Variants in GMDS observed in about 807,000 individuals in gnomAD.
GMDS encodes the protein GDP-mannose 4,6 dehydratase.
Under a neutral mutation model 49.9 loss-of-function variants are expected in GMDS, and 20 were observed. That is an observed-to-expected ratio of 0.40 (90% confidence interval 0.28 to 0.58). The LOEUF (loss-of-function observed/expected upper bound fraction) is 0.58. GMDS is among the 20% of genes least tolerant of loss of function. GMDS has a pLI of 0.42. For missense variants in GMDS, 362 were observed against 481.4 expected (o/e 0.75, Z 2.32); for synonymous variants, 177 against 178.6 (o/e 0.99, Z 0.07).
intron 9 of GMDS, among the ~76,000 whole-genome samples, chr6:1,700,868 C>T (rs912420420): frequency 6.6e-6 from 1 of 152,006 alleles, no homozygotes; most frequent in Non-Finnish European, 1.5e-5. Context: ...AAATCCGAGA[C>T]CCTAACTGTA....
At chr6:2,036,779 A>G (rs972511980) in intron 4 of GMDS, among the ~76,000 whole-genome samples, 1 of 152,238 alleles carries the variant, frequency 6.6e-6, no homozygotes, top group Non-Finnish European at 1.5e-5. Flanking sequence ...AACAAGCTGC[A>G]CGGAAAGACT....
chr6:1,835,297 T>C lies in GMDS; in HGVS notation c.772-92711A>G, dbSNP rs545639756. Among the ~76,000 whole-genome samples the C allele has an allele frequency of 7.2e-5, 11 of 152,152 alleles. No homozygotes were observed. The South Asian group carries it at 2.3e-3, about 32-fold the overall frequency. On this transcript the variant is annotated intron_variant, in intron 7 of 10. Transcript: ENST00000380815. ...TGGAGGTGGCTTATGCTGCTGCAGG[T>C]CGGAACTCAGGGCAGCATTCTACAT... is the stretch of plus-strand genomic sequence containing the variant.
At chr6:1,962,722 A>T (rs1764024477) in intron 4 of GMDS, among the ~76,000 whole-genome samples, 1 of 151,950 alleles carries the variant, frequency 6.6e-6, no homozygotes, top group Non-Finnish European at 1.5e-5. Flanking sequence ...GCCATTTTTA[A>T]ATTGGGTCAT....
intron 9 of GMDS, among the ~76,000 whole-genome samples, chr6:1,650,324 A>G (rs981835836): frequency 6.6e-6 from 1 of 151,906 alleles, no homozygotes; most frequent in African/African-American, 2.4e-5. Flanking sequence ...AAAACCAACC[A>G]TTAATTATAT....
intron 4 of GMDS, among the ~76,000 whole-genome samples, chr6:2,053,418 C>T (rs1198672625): frequency 6.6e-6 from 1 of 152,022 alleles, no homozygotes; most frequent in African/African-American, 2.4e-5. Flanking sequence ...AACAACCACA[C>T]AAATGGCATA....
At chr6:1,959,720 T>C (rs1003594234) in intron 6 of GMDS, 147 bp downstream of exon 6, 3 of 422,528 alleles carry the variant, frequency 7.1e-6, no homozygotes, top group Admixed American at 4.2e-5. Flanking sequence ...TGGGTATACA[T>C]TTCTTCATTT....
chr6:2,137,535 T>C (rs1035251916), intron 1 of GMDS, among the ~76,000 whole-genome samples: 2 of 152,162 alleles, frequency 1.3e-5, no homozygotes, highest in Non-Finnish European at 2.9e-5. Flanking sequence ...GGTTTCTCCA[T>C]GTTGGTCAGG....
chr6:1,661,432 G>A (rs1243838610), intron 9 of GMDS, among the ~76,000 whole-genome samples: 2 of 152,172 alleles, frequency 1.3e-5, no homozygotes, highest in African/African-American at 4.8e-5. Context: ...CGACACCCCT[G>A]TGATGTCGTT....
At chr6:1,689,159 A>G (rs1765084554) in intron 9 of GMDS, among the ~76,000 whole-genome samples, 1 of 152,200 alleles carries the variant, frequency 6.6e-6, no homozygotes, top group Non-Finnish European at 1.5e-5. Flanking sequence ...ATTTTTAACC[A>G]TGGTAGAGTT....
At chr6:1,923,063 T>C (rs547175468) in intron 7 of GMDS, among the ~76,000 whole-genome samples, 10 of 152,350 alleles carry the variant, frequency 6.6e-5, no homozygotes, top group African/African-American at 2.4e-4. Flanking sequence ...CCTGCTGCCA[T>C]GTAAGACGTG....
chr6:1,750,569 C>T (rs1767677995), intron 7 of GMDS, among the ~76,000 whole-genome samples: 1 of 152,166 alleles, frequency 6.6e-6, no homozygotes, highest in Admixed American at 6.5e-5. Flanking sequence ...TACGCTTTTC[C>T]CATGGTCTTT....
At chr6:2,134,305 G>A (rs115820148) in intron 1 of GMDS, among the ~76,000 whole-genome samples, 18 of 152,290 alleles carry the variant, frequency 1.2e-4, no homozygotes, top group South Asian at 2.1e-4. Flanking sequence ...CAACAGCAGC[G>A]GGGGCTTAGC....
At position 1,655,780 on chromosome 6, in the gene GMDS, C is replaced by T. The variant is rs190454742; in HGVS notation, c.988-31240G>A. Among the ~76,000 whole-genome samples, 308 of 152,340 alleles carry T rather than the reference C, an allele frequency of 2.0e-3. 4 individuals are homozygous for T. Among genetic ancestry groups the T allele is most frequent in the Non-Finnish European group, 9.4e-4 (64 of 68,028 alleles). On this transcript the variant is annotated intron_variant, in intron 9 of 10. Transcript: ENST00000380815. ...TCAGCCTCCCAAAGTGCTGGGATTA[C>T]AGGTGTGAGCCACCGCGCCTGGCTG...
At chr6:2,231,639 C>T (rs1192710028) in intron 1 of GMDS, among the ~76,000 whole-genome samples, 4 of 151,928 alleles carry the variant, frequency 2.6e-5, no homozygotes, top group Non-Finnish European at 5.9e-5. Context: ...AACCAACAAA[C>T]GAATGCTTAC....
intron 1 of GMDS, among the ~76,000 whole-genome samples, chr6:2,226,451 A>T (rs1022610282): frequency 1.3e-5 from 2 of 152,214 alleles, no homozygotes; most frequent in Non-Finnish European, 2.9e-5. Flanking sequence ...GCTACAATTA[A>T]TTTTTTTAAT....
intron 7 of GMDS, among the ~76,000 whole-genome samples, chr6:1,775,636 T>C (rs1201654107): frequency 6.6e-6 from 1 of 152,238 alleles, no homozygotes; most frequent in South Asian, 2.1e-4. Flanking sequence ...GCTGGCCTGA[T>C]GCCCTGCTCC....
chr6:1,827,073 T>A (rs966313735), intron 7 of GMDS, among the ~76,000 whole-genome samples: 85 of 85,232 alleles, frequency 1.0e-3, no homozygotes, highest in African/African-American at 2.5e-3. Context: ...CTTAAAAAAA[T>A]ATATATGTGT....
chr6:1,726,404 G>C lies in GMDS; in HGVS notation c.987+12C>G. The C allele has an allele frequency of 6.3e-7, 1 of 1,591,434 alleles. No homozygotes were observed. The highest frequency in any genetic ancestry group is 1.1e-5 in the South Asian group (1 of 90,676). On this transcript the variant is annotated intron_variant, in intron 9 of 10. Coordinates refer to ENST00000380815, the MANE Select transcript of GMDS (RefSeq NM_001500.4). ...AATGTGGCCACGCACTGGGTGGCCA[G>C]AGAGTCCTTACCACTTCAGTTGGCC...
rs1772284090 is a variant in GMDS, at chr6:2,075,537, G to A, written c.345+40234C>T. On this transcript the variant is annotated intron_variant, in intron 4 of 10. Coordinates refer to ENST00000380815, the MANE Select transcript of GMDS (RefSeq NM_001500.4). The stretch of plus-strand genomic sequence containing the variant: ...GTTTTTGTCCTTGCGAAAGTTTGCT[G>A]AGAATGATGGTTTCCATCTTCATCC... 2.0e-5 allele frequency among the ~76,000 whole-genome samples: 3 copies of A among 152,184 alleles called. No individual in the cohort carries two copies. In the South Asian group the frequency reaches 6.2e-4, roughly 32 times the overall value.
Sources: gnomAD v4.1 joint callset for allele counts (sites outside exome capture counted in the v4.1 genomes callset) on GRCh38, gnomAD v4.1.1 for gene constraint, MANE v1.5 for transcripts, NCBI Gene and HGNC (gene_info 2026-07-23, HGNC 2026-07-21) for gene names.